The following TMEFF2 variants were observed in gnomAD, a reference collection of about 807,000 sequenced individuals.
TMEFF2 encodes the protein tomoregulin-2.
A neutral mutation model predicts 53.8 loss-of-function variants in TMEFF2; 28 were observed. The observed-to-expected ratio is 0.52, with a 90% CI of 0.39 to 0.71. The LOEUF (loss-of-function observed/expected upper bound fraction) is 0.71. Among genes scored for constraint, TMEFF2 ranks in the 30% least tolerant of loss-of-function variants. The pLI is 0.00. For missense variants in TMEFF2, 353 were observed against 455.2 expected (o/e 0.78, Z 2.04); for synonymous variants, 162 against 166.3 (o/e 0.97, Z 0.20).
At position 192,109,754 on chromosome 2, in the gene TMEFF2, T is replaced by C. The variant is rs576945167; in HGVS notation, c.440-51979A>G. On this transcript the variant is annotated intron_variant, in intron 4 of 9. Coordinates refer to ENST00000272771, the MANE Select transcript of TMEFF2 (RefSeq NM_016192.4). ...ACTCCAGATTTTGATATGTGCGAAA[T>C]GTGTGCATGCCTGTGTGTAGGAGGA... is the stretch of plus-strand genomic sequence containing the variant. Among the ~76,000 whole-genome samples, 16 of 152,264 alleles carry C rather than the reference T, an allele frequency of 1.1e-4. No homozygotes were observed. In the South Asian group the frequency reaches 2.5e-3, roughly 24 times the overall value.
At chr2:192,070,331 T>C (rs572410186) in intron 4 of TMEFF2, among the ~76,000 whole-genome samples, 1 of 151,752 alleles carries the variant, frequency 6.6e-6, no homozygotes, top group Non-Finnish European at 1.5e-5. Flanking sequence ...TTTTTGAAAC[T>C]CATGTTTTGT....
At chr2:192,169,846 T>C (rs1022850881) in intron 4 of TMEFF2, among the ~76,000 whole-genome samples, 2 of 152,064 alleles carry the variant, frequency 1.3e-5, no homozygotes, top group African/African-American at 4.8e-5. Flanking sequence ...GAGCTCTCTC[T>C]TACTGAAAGG....
chr2:191,968,059 A>AT (rs1692518957), intron 7 of TMEFF2, among the ~76,000 whole-genome samples: 1 of 152,168 alleles, frequency 6.6e-6, no homozygotes, highest in South Asian at 2.1e-4. Context: ...TTGGAGACCA[A>AT]TTTTTTCAAA....
At chr2:192,030,698 C>T (rs1192414072) in intron 5 of TMEFF2, 1 of 151,958 alleles carries the variant, frequency 6.6e-6, no homozygotes, top group Non-Finnish European at 1.5e-5. Context: ...TTAAGATAGT[C>T]AAGTTAAAGG....
intron 4 of TMEFF2, among the ~76,000 whole-genome samples, chr2:192,164,446 C>T (rs891624917): frequency 3.3e-5 from 5 of 152,112 alleles, no homozygotes; most frequent in African/African-American, 1.2e-4. Context: ...AAAGTAATTA[C>T]AGGCCAGGCG....
chr2:192,077,210 C>A (rs1688453073), intron 4 of TMEFF2, among the ~76,000 whole-genome samples: 1 of 152,094 alleles, frequency 6.6e-6, no homozygotes, highest in Non-Finnish European at 1.5e-5. Context: ...GCTTCTCAGG[C>A]ATTTATTACA....
chr2:192,068,299 G>A (rs532161978), intron 4 of TMEFF2, among the ~76,000 whole-genome samples: 7 of 152,040 alleles, frequency 4.6e-5, no homozygotes, highest in African/African-American at 1.7e-4. Context: ...TTTGAAGGAA[G>A]TCCACGGCTG....
chr2:192,141,459 G>GAAAAAA (rs397987092), intron 4 of TMEFF2, among the ~76,000 whole-genome samples: 5 of 107,230 alleles, frequency 4.7e-5, no homozygotes, highest in Admixed American at 2.1e-4. Context: ...TCTCAAAAAA[G>GAAAAAA]AAAAAAAAAA....
At chr2:192,109,773 A>G (rs1041518557) in intron 4 of TMEFF2, among the ~76,000 whole-genome samples, 1 of 152,174 alleles carries the variant, frequency 6.6e-6, no homozygotes, top group Non-Finnish European at 1.5e-5. Context: ...GCCTGTGTGT[A>G]GGAGGATAAC....
intron 7 of TMEFF2, among the ~76,000 whole-genome samples, chr2:191,971,789 G>C (rs2105804670): frequency 6.6e-6 from 1 of 152,292 alleles, no homozygotes; most frequent in East Asian, 1.9e-4. Context: ...ATGCATATTA[G>C]AGAGTGAGAT....
chr2:192,007,090 C>T (rs931169129), intron 5 of TMEFF2, among the ~76,000 whole-genome samples: 1 of 152,208 alleles, frequency 6.6e-6, no homozygotes, highest in Non-Finnish European at 1.5e-5. Context: ...TACTCTGACT[C>T]CAGCCACATC....
chr2:192,002,016 T>G (rs1235051290), intron 5 of TMEFF2, among the ~76,000 whole-genome samples: 1 of 128,870 alleles, frequency 7.8e-6, no homozygotes, highest in Non-Finnish European at 1.5e-5. Context: ...ATTGGTGTAT[T>G]TATTTATTTA....
At chr2:192,019,299 CATT>C (rs1250599413) in intron 5 of TMEFF2, among the ~76,000 whole-genome samples, 3 of 151,582 alleles carry the variant, frequency 2.0e-5, no homozygotes, top group Non-Finnish European at 2.9e-5. Context: ...TCATTAGAAT[CATT>C]ATTGAGAAGT....
At chr2:192,091,603 G>T (rs550592261) in intron 4 of TMEFF2, among the ~76,000 whole-genome samples, 21 of 152,094 alleles carry the variant, frequency 1.4e-4, no homozygotes, top group Non-Finnish European at 2.8e-4. Context: ...AAAGTGGACT[G>T]TCTCTGTAAC....
intron 7 of TMEFF2, among the ~76,000 whole-genome samples, chr2:191,997,629 T>TTCTC (rs1384875064): frequency 6.6e-6 from 1 of 151,654 alleles, no homozygotes; most frequent in Non-Finnish European, 1.5e-5. Context: ...CATGAATTAT[T>TTCTC]TCTCACTCTA....
intron 4 of TMEFF2, among the ~76,000 whole-genome samples, chr2:192,161,323 T>C (rs886072829): frequency 3.9e-5 from 6 of 151,982 alleles, no homozygotes; most frequent in Admixed American, 3.3e-4. Context: ...GCAGAGCTAA[T>C]TTTTGTGTTT....
At chr2:191,994,807 A>G (rs935208328) in intron 7 of TMEFF2, among the ~76,000 whole-genome samples, 1 of 151,994 alleles carries the variant, frequency 6.6e-6, no homozygotes, top group African/African-American at 2.4e-5. Context: ...TGAAGGGAGA[A>G]TAACATTAAA....
intron 5 of TMEFF2, among the ~76,000 whole-genome samples, chr2:192,052,204 T>G (rs1272174013): frequency 6.6e-6 from 1 of 152,240 alleles, no homozygotes. Flanking sequence ...TTTATGTCAT[T>G]TGTCATCTGG....
intron 4 of TMEFF2, among the ~76,000 whole-genome samples, chr2:192,138,485 C>G (rs1349055129): frequency 6.6e-6 from 1 of 152,178 alleles, no homozygotes; most frequent in Non-Finnish European, 1.5e-5. Flanking sequence ...GCTTCTCACC[C>G]CATAGGTCCG....
Sources: allele counts gnomAD v4.1 joint callset (sites outside exome capture counted in the v4.1 genomes callset), GRCh38; gene constraint gnomAD v4.1.1; transcripts MANE v1.5; gene names NCBI Gene and HGNC (gene_info 2026-07-23, HGNC 2026-07-21).